The following NTRK2 variants were observed in gnomAD, a reference collection of about 807,000 sequenced individuals.
NTRK2 encodes neurotrophic receptor tyrosine kinase 2.
A neutral mutation model predicts 94.5 loss-of-function variants in NTRK2; 13 were observed. The observed-to-expected ratio is 0.14, with a 90% confidence interval of 0.09 to 0.22. NTRK2 has a LOEUF of 0.22. NTRK2 is among the 10% of genes least tolerant of loss of function. NTRK2 has a pLI of 1.00. For synonymous variants in NTRK2, 372 were observed against 407.4 expected (o/e 0.91, Z 1.05); for missense variants, 639 against 1,071.2 (o/e 0.60, Z 5.63).
At chr9:84,958,434 A>G (rs1313626061) in intron 17 of NTRK2, among the ~76,000 whole-genome samples, 1 of 152,230 alleles carries the variant, frequency 6.6e-6, no homozygotes, top group Non-Finnish European at 1.5e-5. Flanking sequence ...TTAGGTGGCA[A>G]TATTCTGAAG....
At chr9:84,687,339 CTGTCTCATT>C (rs1226024562) in intron 2 of NTRK2, among the ~76,000 whole-genome samples, 1 of 152,218 alleles carries the variant, frequency 6.6e-6, no homozygotes, top group African/African-American at 2.4e-5. Flanking sequence ...AACTTCTTGG[CTGTCTCATT>C]TGTCTCATTT....
chr9:84,844,462 T>G (rs2074356560), intron 12 of NTRK2, among the ~76,000 whole-genome samples: 1 of 152,222 alleles, frequency 6.6e-6, no homozygotes, highest in South Asian at 2.1e-4. Flanking sequence ...AATGACTCCC[T>G]ATTCTTCTCT....
intron 12 of NTRK2, chr9:84,812,608 G>A (rs1289051874): frequency 4.8e-6 from 5 of 1,046,586 alleles, no homozygotes; most frequent in Middle Eastern, 4.3e-4. Flanking sequence ...TGAAATTCAA[G>A]CTGTGAGCCA....
chr9:84,980,995 T>C (rs776669759), intron 17 of NTRK2, among the ~76,000 whole-genome samples: 15 of 152,218 alleles, frequency 9.9e-5, no homozygotes, highest in Non-Finnish European at 1.8e-4. Context: ...AATAAACAGA[T>C]GGCAAAATCA....
At position 84,955,377 on chromosome 9, in the gene NTRK2, G is replaced by A. The variant is rs1463968979; in HGVS notation, c.2032G>A (p.Ala678Thr). 6.2e-6 allele frequency: 10 copies of A among 1,614,050 alleles called. No individual in the cohort carries two copies. Among genetic ancestry groups the A allele is most frequent in the Non-Finnish European group, 8.5e-6 (10 of 1,179,958 alleles). ...GCTGCATATAGCCCAGCAGATCGCC[G>A]CGGGCATGGTCTACCTGGCGTCCCA... ...QMLHIAQQIAAGMVYLASQHF... is the reference protein window; with the variant it reads ...QMLHIAQQIATGMVYLASQHF... Residue 678 changes from alanine to threonine, a missense_variant, in exon 17 of 19, where the codon GCG becomes ACG. Transcript: ENST00000277120.
At chr9:84,733,366 A>C (rs923599020) in intron 9 of NTRK2, among the ~76,000 whole-genome samples, 2 of 152,192 alleles carry the variant, frequency 1.3e-5, no homozygotes, top group Admixed American at 6.5e-5. Context: ...CTTTGGTATA[A>C]GTTACTGAGG....
At chr9:84,807,496 T>A (rs986260680) in intron 12 of NTRK2, among the ~76,000 whole-genome samples, 2 of 152,218 alleles carry the variant, frequency 1.3e-5, no homozygotes, top group African/African-American at 4.8e-5. Context: ...TGGCAAAGTT[T>A]CTCTAAAGTT....
chr9:85,016,596 G>T (rs1177876839), intron 17 of NTRK2, among the ~76,000 whole-genome samples: 3 of 152,198 alleles, frequency 2.0e-5, no homozygotes, highest in East Asian at 1.9e-4. Flanking sequence ...TGTGTTGTTT[G>T]TGTGGTCCAA....
intron 12 of NTRK2, among the ~76,000 whole-genome samples, chr9:84,853,720 C>T (rs969321021): frequency 6.6e-6 from 1 of 152,166 alleles, no homozygotes; most frequent in African/African-American, 2.4e-5. Flanking sequence ...TGCCCGTGTC[C>T]TCTCAGCTCT....
intron 11 of NTRK2, among the ~76,000 whole-genome samples, chr9:84,748,198 C>A (rs2064266284): frequency 6.6e-6 from 1 of 152,204 alleles, no homozygotes; most frequent in Admixed American, 6.5e-5. Context: ...CAAACAAACT[C>A]ACCCATGCTC....
chr9:84,674,160 T>C (rs1442138944), intron 2 of NTRK2, among the ~76,000 whole-genome samples: 1 of 152,198 alleles, frequency 6.6e-6, no homozygotes, highest in Non-Finnish European at 1.5e-5. Flanking sequence ...CATCTTACAG[T>C]TCAGTAGTGT....
At chr9:84,736,254 G>A (rs369107206) in intron 9 of NTRK2, among the ~76,000 whole-genome samples, 1 of 152,212 alleles carries the variant, frequency 6.6e-6, no homozygotes, top group Non-Finnish European at 1.5e-5. Flanking sequence ...CAAGCAGTGG[G>A]AGTCAGTGAC....
chr9:85,004,430 G>C (rs772384181), intron 17 of NTRK2, among the ~76,000 whole-genome samples: 3 of 152,174 alleles, frequency 2.0e-5, no homozygotes, highest in Non-Finnish European at 2.9e-5. Flanking sequence ...TCAGAGAGTA[G>C]ATACTAGTGC....
chr9:85,014,376 C>T (rs11140827), intron 17 of NTRK2, among the ~76,000 whole-genome samples: 2,040 of 152,302 alleles, frequency 0.013, 32 homozygotes, highest in Middle Eastern at 0.044. Context: ...TCCTCGTTAA[C>T]GTGTGCCAAG....
chr9:84,867,630 G>C (rs2075655093), intron 14 of NTRK2, among the ~76,000 whole-genome samples, 199 bp downstream of exon 14: 1 of 152,186 alleles, frequency 6.6e-6, no homozygotes, highest in South Asian at 2.1e-4. Context: ...CTCCTGCTGG[G>C]AAGGGAACTG....
intron 14 of NTRK2, among the ~76,000 whole-genome samples, chr9:84,908,435 A>G (rs571739622): frequency 6.6e-6 from 1 of 152,216 alleles, no homozygotes; most frequent in Admixed American, 6.5e-5. Context: ...CGAAAATAAT[A>G]AACAGAACAC....
chr9:84,999,135 A>G (rs1830074678), intron 17 of NTRK2, among the ~76,000 whole-genome samples: 1 of 152,222 alleles, frequency 6.6e-6, no homozygotes, highest in Non-Finnish European at 1.5e-5. Flanking sequence ...ATGAGGTTAA[A>G]CACCAAGCCC....
chr9:84,975,003 G>A (rs1360319256), intron 17 of NTRK2, among the ~76,000 whole-genome samples: 1 of 152,154 alleles, frequency 6.6e-6, no homozygotes, highest in Admixed American at 6.5e-5. Flanking sequence ...GCCGCCTGGG[G>A]CTGCAGTTTG....
intron 12 of NTRK2, among the ~76,000 whole-genome samples, chr9:84,779,183 C>T (rs2067328505): frequency 6.6e-6 from 1 of 152,070 alleles, no homozygotes; most frequent in African/African-American, 2.4e-5. Flanking sequence ...AATAAAAATC[C>T]ACCAAACATA....
Sources: gnomAD v4.1 joint callset for allele counts (sites outside exome capture counted in the v4.1 genomes callset) on GRCh38, gnomAD v4.1.1 for gene constraint, MANE v1.5 for transcripts, NCBI Gene and HGNC (gene_info 2026-07-23, HGNC 2026-07-21) for gene names.